The following GRIA4 variants were observed in gnomAD, a reference collection of about 807,000 sequenced individuals.
GRIA4 encodes the protein glutamate receptor 4.
Under a neutral mutation model 104.0 loss-of-function variants are expected in GRIA4, and 34 were observed. That is an observed-to-expected ratio of 0.33 (90% confidence interval 0.25 to 0.44). GRIA4 has a LOEUF of 0.44. Among genes scored for constraint, GRIA4 ranks in the 20% least tolerant of loss-of-function variants. The probability of loss-of-function intolerance (pLI) is 1.00; values close to 1 mark genes in which losing one functional copy is unlikely to be tolerated. For synonymous variants in GRIA4, 386 were observed against 381.9 expected, an observed-to-expected ratio of 1.01 and a Z score of -0.13; for missense variants, 750 against 1,096.5, an observed-to-expected ratio of 0.68 and a Z score of 4.46.
chr11:105,814,000 C>T (rs1943279307), intron 4 of GRIA4, among the ~76,000 whole-genome samples: 1 of 152,024 alleles, frequency 6.6e-6, no homozygotes, highest in African/African-American at 2.4e-5. Context: ...CAAAGAACAA[C>T]AATAGCAACA....
At chr11:105,889,564 C>T (rs1020880203) in intron 6 of GRIA4, among the ~76,000 whole-genome samples, 2 of 152,058 alleles carry the variant, frequency 1.3e-5, no homozygotes, top group Admixed American at 1.3e-4. Context: ...AATGTGAAGT[C>T]AATCCAGAAT....
chr11:105,743,829 C>T (rs1939480633), intron 3 of GRIA4, among the ~76,000 whole-genome samples: 1 of 151,758 alleles, frequency 6.6e-6, no homozygotes, highest in South Asian at 2.1e-4. Context: ...ATCTTTCTGT[C>T]TTCTTCTCCT....
intron 14 of GRIA4, among the ~76,000 whole-genome samples, chr11:105,952,612 T>C (rs1213399734): frequency 6.6e-6 from 1 of 152,162 alleles, no homozygotes; most frequent in Non-Finnish European, 1.5e-5. Context: ...CCAATGAACA[T>C]GCAATTTAGA....
intron 4 of GRIA4, among the ~76,000 whole-genome samples, chr11:105,852,188 T>C (rs900624853): frequency 1.3e-5 from 2 of 152,124 alleles, no homozygotes; most frequent in Non-Finnish European, 2.9e-5. Flanking sequence ...AATACGGAAT[T>C]TAAGAAAAAG....
chr11:105,738,321 C>A (rs1253621775), intron 3 of GRIA4, among the ~76,000 whole-genome samples: 1 of 152,138 alleles, frequency 6.6e-6, no homozygotes, highest in Admixed American at 6.6e-5. Context: ...TGCCTCCATT[C>A]ACTAGGTTGT....
At chr11:105,901,442 G>A (rs1946851133) in intron 7 of GRIA4, among the ~76,000 whole-genome samples, 1 of 152,018 alleles carries the variant, frequency 6.6e-6, no homozygotes, top group Non-Finnish European at 1.5e-5. Flanking sequence ...ACTTATCAGA[G>A]CAGTAAATAA....
At chr11:105,960,207 C>T (rs1195700523) in intron 14 of GRIA4, among the ~76,000 whole-genome samples, 1 of 152,210 alleles carries the variant, frequency 6.6e-6, no homozygotes, top group Non-Finnish European at 1.5e-5. Flanking sequence ...TCAGAACTAC[C>T]AGGAGGAGAG....
intron 14 of GRIA4, among the ~76,000 whole-genome samples, chr11:105,966,930 T>G (rs1591495666): frequency 6.6e-6 from 1 of 152,164 alleles, no homozygotes; most frequent in African/African-American, 2.4e-5. Flanking sequence ...GGACAAACTT[T>G]TGTCTCCATT....
chr11:105,741,434 G>T (rs1939298780), intron 3 of GRIA4, among the ~76,000 whole-genome samples: 1 of 152,142 alleles, frequency 6.6e-6, no homozygotes, highest in South Asian at 2.1e-4. Context: ...TATAGAAATG[G>T]ATTAGATGAT....
intron 9 of GRIA4, among the ~76,000 whole-genome samples, chr11:105,906,301 A>G (rs1591429087): frequency 6.6e-6 from 1 of 152,128 alleles, no homozygotes. Flanking sequence ...GTGAGAAAAC[A>G]TATTTTACTC....
intron 3 of GRIA4, among the ~76,000 whole-genome samples, chr11:105,655,083 A>G (rs996774671): frequency 1.3e-5 from 2 of 152,188 alleles, no homozygotes; most frequent in Non-Finnish European, 2.9e-5. Context: ...GGCAATATCC[A>G]CATAACATAA....
intron 4 of GRIA4, among the ~76,000 whole-genome samples, chr11:105,781,456 T>G (rs894150377): frequency 6.6e-6 from 1 of 152,118 alleles, no homozygotes; most frequent in African/African-American, 2.4e-5. Context: ...ATTTTGTGGG[T>G]TTTTTAACCA....
chr11:105,737,123 G>A (rs187233867), intron 3 of GRIA4, among the ~76,000 whole-genome samples: 7 of 152,100 alleles, frequency 4.6e-5, no homozygotes, highest in Admixed American at 1.3e-4. Context: ...CTTTGAAATC[G>A]CTGGAAATGG....
In GRIA4 at chr11:105,941,951, C is replaced by A. The variant is rs536962446; in HGVS notation, c.2294+7982C>A. On this transcript the variant is annotated intron_variant, in intron 14 of 16. Transcript: ENST00000282499. ...TAACTAAGAAAAGACATCATCAGCT[C>A]CCTAGTCCCTAAATTCTCATCTTTT... 2.5e-4 allele frequency among the ~76,000 whole-genome samples: 38 copies of A among 152,192 alleles called. 1 individual carries two copies. The highest frequency in any genetic ancestry group is 4.7e-4 in the Non-Finnish European group (32 of 67,982).
chr11:105,681,629 C>T (rs1046929778), intron 3 of GRIA4, among the ~76,000 whole-genome samples: 3 of 152,116 alleles, frequency 2.0e-5, no homozygotes, highest in Non-Finnish European at 2.9e-5. Context: ...GTGTAAAGTG[C>T]ACTCCAAATT....
chr11:105,898,603 T>G (rs185709138), intron 7 of GRIA4, among the ~76,000 whole-genome samples, 176 bp downstream of exon 7: 1 of 152,294 alleles, frequency 6.6e-6, no homozygotes, highest in African/African-American at 2.4e-5. Context: ...TTTCTGTATT[T>G]AAGAGTAGAG....
chr11:105,711,738 A>T (rs1430511308), intron 3 of GRIA4, among the ~76,000 whole-genome samples: 3 of 152,176 alleles, frequency 2.0e-5, no homozygotes, highest in Non-Finnish European at 1.5e-5. Flanking sequence ...TGTCCAAGAC[A>T]TTATAAGTAA....
intron 11 of GRIA4, among the ~76,000 whole-genome samples, chr11:105,921,229 G>A (rs770451555): frequency 6.6e-6 from 1 of 151,990 alleles, no homozygotes; most frequent in Admixed American, 6.6e-5. Flanking sequence ...TACCATGCCT[G>A]TGCACTAAAG....
At chr11:105,752,903 A>G (rs1940087488) in intron 3 of GRIA4, 78 bp from the exon 4 acceptor site, 5 of 1,353,912 alleles carry the variant, frequency 3.7e-6, no homozygotes, top group Non-Finnish European at 4.1e-6. Flanking sequence ...TATTTTTTTA[A>G]TTTTCTAGAA....
Sources: allele counts gnomAD v4.1 joint callset (sites outside exome capture counted in the v4.1 genomes callset), GRCh38; gene constraint gnomAD v4.1.1; transcripts MANE v1.5; gene names NCBI Gene and HGNC (gene_info 2026-07-23, HGNC 2026-07-21).